The following CFAP43 variants were observed in gnomAD, a reference collection of about 807,000 sequenced individuals.
CFAP43 encodes the protein cilia and flagella associated protein 43, also known as cilia- and flagella-associated protein 43.
CFAP43 carries 155 observed loss-of-function variants against 218.9 expected under a neutral mutation model. The observed-to-expected ratio is 0.71, with a 90% CI of 0.62 to 0.81. CFAP43 has a LOEUF of 0.81. Ranked by LOEUF, CFAP43 falls within the 30% of genes least tolerant of loss-of-function variation. The pLI is 0.00. For missense variants in CFAP43, 1,778 were observed against 1,954.3 expected, an observed-to-expected ratio of 0.91 and a Z score of 1.70; for synonymous variants, 645 against 681.3, an observed-to-expected ratio of 0.95 and a Z score of 0.83.
intron 3 of CFAP43, among the ~76,000 whole-genome samples, chr10:104,222,643 G>C (rs1347069772): frequency 1.3e-5 from 2 of 152,108 alleles, no homozygotes; most frequent in South Asian, 4.1e-4. Flanking sequence ...ATAGAAGTGC[G>C]CATGAATATT....
At chr10:104,227,835 C>CTTTTTTTTTT (rs776193577) in intron 2 of CFAP43, among the ~76,000 whole-genome samples, 13 of 58,370 alleles carry the variant, frequency 2.2e-4, no homozygotes, top group South Asian at 6.9e-4. Flanking sequence ...ATGTTTTCTA[C>CTTTTTTTTTT]TTTTTTTTTT....
At chr10:104,203,464 C>G (rs1199012522) in intron 8 of CFAP43, 1 of 473,816 alleles carries the variant, frequency 2.1e-6, no homozygotes, top group African/African-American at 2.0e-5. Flanking sequence ...CAGATTCACT[C>G]CTTGCCCTTT....
intron 31 of CFAP43, among the ~76,000 whole-genome samples, chr10:104,143,992 T>A (rs2134754211): frequency 6.6e-6 from 1 of 152,328 alleles, no homozygotes. Context: ...AGTACAGTGG[T>A]GAGCCACCAC....
chr10:104,169,120 T>C (rs10883975), intron 20 of CFAP43, among the ~76,000 whole-genome samples: 19,292 of 152,190 alleles, frequency 0.13, 1,512 homozygotes, highest in Non-Finnish European at 0.17. Flanking sequence ...TCGGGTTGCA[T>C]ACACGAGTGA....
chr10:104,172,387 G>A (rs1330441569), intron 20 of CFAP43, 23 bp downstream of exon 20: 1 of 1,599,778 alleles, frequency 6.3e-7, no homozygotes, highest in Admixed American at 1.8e-5. Context: ...ACTTTATGGT[G>A]CTTAAATTAT....
Position 104,188,375 on chromosome 10 carries a change from A to G in CFAP43, c.1582T>C (p.Ser528Pro), listed in dbSNP as rs1267164506. ...AKDILQISTVSLLETDIVEVM... is the reference protein window; with the variant it reads ...AKDILQISTVPLLETDIVEVM... ...TCCACTATGTCTGTTTCTAAAAGAG[A>G]CACTGTGGATATCTGTAAAATGTCT... Residue 528 changes from serine (S) to proline (P), a missense_variant, in exon 13 of 38, where the codon TCT becomes CCT. This residue lies in a region of CFAP43 where 1,553 missense variants were observed against 1,685.2 expected (regional missense o/e 0.92). Coordinates refer to ENST00000357060, the MANE Select transcript of CFAP43 (RefSeq NM_025145.7). 3.7e-6 allele frequency: 6 copies of G among 1,614,108 alleles called. No homozygotes were observed. In the Admixed American group the frequency reaches 1.0e-4, roughly 27 times the overall value.
chr10:104,170,213 C>T (rs1249174955), intron 20 of CFAP43, among the ~76,000 whole-genome samples: 1 of 151,472 alleles, frequency 6.6e-6, no homozygotes, highest in East Asian at 1.9e-4. Context: ...AAAAAATAAA[C>T]AATATGAGGG....
intron 20 of CFAP43, among the ~76,000 whole-genome samples, chr10:104,171,576 G>C (rs1355897608): frequency 2.0e-5 from 3 of 152,172 alleles, no homozygotes; most frequent in African/African-American, 7.2e-5. Context: ...CTTGAATCCA[G>C]CTATCTTGCA....
intron 16 of CFAP43, 60 bp downstream of exon 16, chr10:104,184,955 AT>A (rs2089982794): frequency 6.4e-7 from 1 of 1,570,660 alleles, no homozygotes; most frequent in African/African-American, 1.4e-5. Flanking sequence ...TTAAATAATA[AT>A]AAAATCTCTA....
intron 3 of CFAP43, among the ~76,000 whole-genome samples, chr10:104,216,752 C>T (rs751752263): frequency 2.0e-5 from 3 of 152,100 alleles, no homozygotes; most frequent in Non-Finnish European, 4.4e-5. Context: ...CAGTTGCACT[C>T]GGTACCAAGT....
At chr10:104,178,986 A>G (rs1199403111) in intron 19 of CFAP43, 43 bp downstream of exon 19, 1 of 1,502,838 alleles carries the variant, frequency 6.7e-7, no homozygotes, top group Non-Finnish European at 9.2e-7. Context: ...GTAATTTTAG[A>G]ATGAGGGCCA....
intron 3 of CFAP43, among the ~76,000 whole-genome samples, chr10:104,224,784 T>C (rs1315537535): frequency 6.9e-6 from 1 of 145,350 alleles, no homozygotes; most frequent in Non-Finnish European, 1.5e-5. Flanking sequence ...AAAATTTACA[T>C]AAACTAAATG....
chr10:104,130,335 TTATTTA>T, intron 37 of CFAP43, 30 bp from the exon 38 acceptor site: 2 of 1,589,738 alleles, frequency 1.3e-6, no homozygotes, highest in Non-Finnish European at 1.7e-6. Context: ...AGGAATTCGA[TTATTTA>T]TCAATACTTT....
At chr10:104,187,167 T>C (rs577360438) in intron 14 of CFAP43, among the ~76,000 whole-genome samples, 153 bp downstream of exon 14, 1 of 152,372 alleles carries the variant, frequency 6.6e-6, no homozygotes, top group East Asian at 1.9e-4. Flanking sequence ...AATAACACTA[T>C]ATATCTAGCT....
chr10:104,220,201 G>C (rs2091138722), intron 3 of CFAP43, among the ~76,000 whole-genome samples: 1 of 152,178 alleles, frequency 6.6e-6, no homozygotes, highest in Non-Finnish European at 1.5e-5. Context: ...GCAGAAGTTG[G>C]TGAGAGGCGC....
At chr10:104,132,317 A>T in intron 35 of CFAP43, 121 bp from the exon 36 acceptor site, 3 of 802,348 alleles carry the variant, frequency 3.7e-6, no homozygotes, top group Non-Finnish European at 1.9e-6. Flanking sequence ...GCAAGTTAAG[A>T]TTGATTTGGC....
intron 12 of CFAP43, 114 bp downstream of exon 12, chr10:104,192,085 A>G: frequency 1.3e-6 from 1 of 793,046 alleles, no homozygotes; most frequent in South Asian, 1.9e-5. Flanking sequence ...TTTCTCTTTC[A>G]GAAAATATGC....
At position 104,225,471 on chromosome 10, in the gene CFAP43, G is replaced by C. The variant is rs1397917647; in HGVS notation, c.406C>G (p.Leu136Val). Reference sequence around the variant, plus strand: ...GATGCTGAAACTTACCAAAGGGCCAGTTCAAATTCTGGGAGAGAGGAGTAA... The same window carrying C: ...GATGCTGAAACTTACCAAAGGGCCACTTCAAATTCTGGGAGAGAGGAGTAA... ...ASYSSLPEFE[L>V]ALWNWESSII... Residue 136 changes from leucine to valine, a missense_variant, in exon 3 of 38, where the codon CTG (leucine) becomes GTG (valine). Physicochemically the swap from Leu to Val is conservative, Grantham distance 32. Transcript: ENST00000357060. The C allele has an allele frequency of 2.5e-6, 4 of 1,610,874 alleles. No individual in the cohort carries two copies. The East Asian group carries it at 6.7e-5, about 27-fold the overall frequency.
intron 12 of CFAP43, among the ~76,000 whole-genome samples, chr10:104,189,313 G>A (rs932062060): frequency 3.3e-5 from 5 of 152,082 alleles, no homozygotes; most frequent in South Asian, 2.1e-4. Flanking sequence ...CAACTCTGCT[G>A]TCCCACAACA....
Sources: gnomAD v4.1 joint callset for allele counts (sites outside exome capture counted in the v4.1 genomes callset) on GRCh38, gnomAD v4.1.1 for gene constraint, gnomAD v4.1.1 regional missense constraint, MANE v1.5 for transcripts, NCBI Gene and HGNC (gene_info 2026-07-23, HGNC 2026-07-21) for gene names.